Variants in ARMH4 observed in about 807,000 individuals in gnomAD.
ARMH4 encodes armadillo like helical domain containing 4.
ARMH4 carries 49 observed loss-of-function variants against 61.9 expected under a neutral mutation model. That is an observed-to-expected ratio of 0.79 (90% CI 0.63 to 1.00). The LOEUF (loss-of-function observed/expected upper bound fraction) is 1.00, where lower values mean the gene tolerates loss of function less well. Among genes scored for constraint, ARMH4 ranks in the 50% least tolerant of loss-of-function variants. ARMH4 has a pLI of 0.00. For missense variants in ARMH4, 934 were observed against 930.0 expected (o/e 1.00, Z -0.06); for synonymous variants, 368 against 341.5 (o/e 1.08, Z -0.85).
At chr14:58,025,734 A>C (rs1428785478) in intron 5 of ARMH4, among the ~76,000 whole-genome samples, 1 of 152,140 alleles carries the variant, frequency 6.6e-6, no homozygotes, top group East Asian at 1.9e-4. Flanking sequence ...TTTTCTAGCT[A>C]CAGATTATTC....
intron 5 of ARMH4, among the ~76,000 whole-genome samples, chr14:58,026,447 G>A (rs1883023789): frequency 6.6e-6 from 1 of 152,144 alleles, no homozygotes; most frequent in Non-Finnish European, 1.5e-5. Flanking sequence ...CATGCTCAGG[G>A]AAACTGAAAT....
At chr14:58,032,833 G>A (rs1286733047) in intron 5 of ARMH4, among the ~76,000 whole-genome samples, 2 of 152,166 alleles carry the variant, frequency 1.3e-5, no homozygotes, top group East Asian at 3.9e-4. Context: ...TGAATATTGC[G>A]CTTTTCAGAC....
intron 5 of ARMH4, among the ~76,000 whole-genome samples, chr14:58,095,539 G>C (rs1037116032): frequency 6.6e-6 from 1 of 152,148 alleles, no homozygotes; most frequent in African/African-American, 2.4e-5. Flanking sequence ...ACCCTTATAA[G>C]TTTTTACCAG....
chr14:58,109,371 T>C (rs1886272908), intron 4 of ARMH4, among the ~76,000 whole-genome samples: 1 of 152,162 alleles, frequency 6.6e-6, no homozygotes, highest in Non-Finnish European at 1.5e-5. Flanking sequence ...CCCAGAACTT[T>C]TTGTTTGTTT....
intron 4 of ARMH4, among the ~76,000 whole-genome samples, chr14:58,114,345 T>C (rs117711586): frequency 1.3e-3 from 201 of 152,306 alleles, no homozygotes; most frequent in Admixed American, 2.5e-3. Flanking sequence ...ATATCACTAC[T>C]TGTCCTAGAG....
At chr14:58,147,375 C>G (rs1198648637) in intron 1 of ARMH4, among the ~76,000 whole-genome samples, 3 of 147,572 alleles carry the variant, frequency 2.0e-5, no homozygotes, top group Non-Finnish European at 3.0e-5. Context: ...AGTGCAGTGG[C>G]GAGATCTCAG....
rs112673918 is a variant in ARMH4 at position 58,068,216 on chromosome 14, G to T, written c.2089+28508C>A. Among the ~76,000 whole-genome samples the T allele has an allele frequency of 8.1e-3, 1,230 of 152,196 alleles. 17 individuals are homozygous for T. Among genetic ancestry groups the T allele is most frequent in the African/African-American group, 0.027 (1,133 of 41,516 alleles). ...CTTTCCACGATGGGAGGAGTTATCA[G>T]TTAATTCTGTCTACCCCCCAACCCC... On this transcript the variant is annotated intron_variant, in intron 5 of 7. Coordinates refer to ENST00000267485, the MANE Select transcript of ARMH4 (RefSeq NM_001001872.4).
intron 5 of ARMH4, among the ~76,000 whole-genome samples, chr14:58,080,873 G>A (rs753211779): frequency 8.5e-5 from 13 of 152,126 alleles, no homozygotes; most frequent in African/African-American, 2.4e-4. Flanking sequence ...AGGCCGAGGC[G>A]GGCAGATCAC....
intron 5 of ARMH4, among the ~76,000 whole-genome samples, chr14:58,026,858 A>C (rs1384530349): frequency 2.6e-5 from 4 of 152,152 alleles, no homozygotes. Context: ...AGGTAAATAG[A>C]AGATTGCCTA....
intron 4 of ARMH4, among the ~76,000 whole-genome samples, chr14:58,122,280 T>C (rs1353603374): frequency 2.6e-5 from 4 of 152,110 alleles, no homozygotes. Context: ...TCTGATGGGA[T>C]TTTGCTAACT....
At chr14:58,072,260 C>G (rs1180805213) in intron 5 of ARMH4, among the ~76,000 whole-genome samples, 1 of 152,092 alleles carries the variant, frequency 6.6e-6, no homozygotes, top group African/African-American at 2.4e-5. Flanking sequence ...TTTACAGAAG[C>G]AACTTTTTTT....
chr14:58,005,173 T>C lies in ARMH4; in HGVS notation c.2131A>G (p.Met711Val), dbSNP rs1276460635. 6.2e-7 allele frequency: 1 copy of C among 1,613,910 alleles called. No individual in the cohort carries two copies. Among genetic ancestry groups the C allele is most frequent in the Non-Finnish European group, 8.5e-7 (1 of 1,179,886 alleles). ...CCTACAGGCACCAGCATCCCAGACA[T>C]GTAACCAGCCTGCATAGAAAAGGAA... ...MEKLKDKAGY[M>V]SGMLVPVGVG... The change falls in exon 7 of 8, where the codon ATG becomes GTG. Residue 711 changes from methionine to valine, a missense_variant. By Grantham distance (21) the Met-to-Val change is conservative (BLOSUM62 1). Coordinates refer to ENST00000267485, the MANE Select transcript of ARMH4 (RefSeq NM_001001872.4).
At chr14:58,057,100 C>T (rs1479625617) in intron 5 of ARMH4, among the ~76,000 whole-genome samples, 3 of 152,108 alleles carry the variant, frequency 2.0e-5, no homozygotes, top group Admixed American at 2.0e-4. Context: ...TTACCTCACA[C>T]TTTTATCTGA....
rs574662795 is a variant in ARMH4, at chr14:58,076,007, A to G, written c.2089+20717T>C. Among the ~76,000 whole-genome samples the G allele has an allele frequency of 2.0e-5, 3 of 151,450 alleles. No homozygotes were observed. The South Asian group carries it at 6.3e-4, about 32-fold the overall frequency. On this transcript the variant is annotated intron_variant, in intron 5 of 7. Transcript: ENST00000267485. ...AAGAAGAAATGTATGTTTAAAAACA[A>G]GAAGGAAGAAGAATAAGAAAGAAGG...
intron 4 of ARMH4, among the ~76,000 whole-genome samples, chr14:58,114,224 A>C (rs1446664320): frequency 3.9e-5 from 6 of 152,190 alleles, no homozygotes; most frequent in Non-Finnish European, 8.8e-5. Context: ...GGTGTGATAC[A>C]AACCTGGAAT....
At chr14:58,013,246 G>A (rs1882475855) in intron 5 of ARMH4, among the ~76,000 whole-genome samples, 1 of 152,176 alleles carries the variant, frequency 6.6e-6, no homozygotes, top group African/African-American at 2.4e-5. Context: ...CTCTGATGTT[G>A]TATAACACAA....
intron 6 of ARMH4, 87 bp downstream of exon 6, chr14:58,012,032 C>T: frequency 1.1e-6 from 1 of 945,138 alleles, no homozygotes. Flanking sequence ...GAATAATAAA[C>T]CAAAGCCCTA....
chr14:58,128,714 T>C lies in ARMH4; in HGVS notation c.1831+2798A>G, dbSNP rs558126080. 1.4e-4 allele frequency among the ~76,000 whole-genome samples: 22 copies of C among 152,322 alleles called. No individual in the cohort carries two copies. In the South Asian group the frequency reaches 3.7e-3, roughly 26 times the overall value. On this transcript the variant is annotated intron_variant, in intron 4 of 7. Transcript: ENST00000267485. The stretch of plus-strand genomic sequence containing the variant: ...ACTTCTCCCACTCTACCAATTCACA[T>C]CACTCAGGTAGCACGTCTGTCTTCA...
At chr14:58,129,372 G>T (rs1738834057) in intron 4 of ARMH4, among the ~76,000 whole-genome samples, 1 of 152,156 alleles carries the variant, frequency 6.6e-6, no homozygotes, top group South Asian at 2.1e-4. Flanking sequence ...ATGGAGAAAA[G>T]TACCTCATTT....
Sources: allele counts gnomAD v4.1 joint callset (sites outside exome capture counted in the v4.1 genomes callset), GRCh38; gene constraint gnomAD v4.1.1; transcripts MANE v1.5; gene names NCBI Gene and HGNC (gene_info 2026-07-23, HGNC 2026-07-21).